MSI2: variants seen among roughly 807,000 people sequenced by gnomAD.
The protein encoded by MSI2 is RNA-binding protein Musashi homolog 2.
A neutral mutation model predicts 45.6 loss-of-function variants in MSI2; 17 were observed. The ratio of observed to expected loss-of-function variants is 0.37; its 90% CI spans 0.26 to 0.56. The LOEUF is 0.56. Ranked by LOEUF, MSI2 falls within the 20% of genes least tolerant of loss-of-function variation. The probability of loss-of-function intolerance (pLI) is 0.77; values close to 1 mark genes in which losing one functional copy is unlikely to be tolerated. For missense variants in MSI2, 293 were observed against 444.2 expected, an observed-to-expected ratio of 0.66 and a Z score of 3.06; for synonymous variants, 156 against 158.2, an observed-to-expected ratio of 0.99 and a Z score of 0.11.
intron 5 of MSI2, among the ~76,000 whole-genome samples, chr17:57,378,779 G>T (rs1025478085): frequency 1.3e-5 from 2 of 152,168 alleles, no homozygotes; most frequent in African/African-American, 4.8e-5. Context: ...TGGTCCACTG[G>T]GGAGAAGGTT....
At chr17:57,405,546 TA>T (rs2084067312) in intron 6 of MSI2, among the ~76,000 whole-genome samples, 1 of 152,238 alleles carries the variant, frequency 6.6e-6, no homozygotes. Flanking sequence ...TTGTCAGTAG[TA>T]ATAAGCATGG....
chr17:57,538,115 G>T (rs1411743192), intron 7 of MSI2, among the ~76,000 whole-genome samples: 1 of 152,122 alleles, frequency 6.6e-6, no homozygotes, highest in Non-Finnish European at 1.5e-5. Context: ...TCACAACATG[G>T]TTTAAGATCT....
intron 5 of MSI2, among the ~76,000 whole-genome samples, chr17:57,305,250 G>C (rs1327935802): frequency 6.6e-6 from 1 of 152,148 alleles, no homozygotes; most frequent in Non-Finnish European, 1.5e-5. Flanking sequence ...CTTCTCAGGA[G>C]GAACCTCACT....
In MSI2 at chr17:57,523,781, G is replaced by A. The variant is rs2086643212; in HGVS notation, c.406-5895G>A. On this transcript the variant is annotated intron_variant, in intron 6 of 13. Coordinates refer to ENST00000284073, the MANE Select transcript of MSI2 (RefSeq NM_138962.4). ...ATAGTTTAATTCTCTGCCACATTTA[G>A]CACTTTCCCTTATTCTGCCCCTTTT... 2.0e-5 allele frequency among the ~76,000 whole-genome samples: 3 copies of A among 152,158 alleles called. No homozygotes were observed. In the South Asian group the frequency reaches 6.2e-4, roughly 32 times the overall value.
intron 5 of MSI2, among the ~76,000 whole-genome samples, chr17:57,297,892 C>T (rs1046038005): frequency 1.3e-5 from 2 of 152,180 alleles, no homozygotes; most frequent in Non-Finnish European, 2.9e-5. Flanking sequence ...CATGAGATTG[C>T]CGCAATTCAG....
intron 5 of MSI2, among the ~76,000 whole-genome samples, chr17:57,291,436 G>A (rs1910407672): frequency 6.6e-6 from 1 of 152,174 alleles, no homozygotes; most frequent in Non-Finnish European, 1.5e-5. Flanking sequence ...ATAGCCTTGT[G>A]TGGTGGTAAA....
intron 10 of MSI2, chr17:57,633,147 A>G: frequency 2.0e-6 from 2 of 1,021,658 alleles, no homozygotes; most frequent in Non-Finnish European, 2.3e-6. Context: ...TTCCCCTGTA[A>G]GCAACCGAGG....
chr17:57,456,111 G>T (rs113199911), intron 6 of MSI2, among the ~76,000 whole-genome samples: 14 of 152,278 alleles, frequency 9.2e-5, no homozygotes, highest in African/African-American at 3.1e-4. Context: ...CAAGAACATC[G>T]AACAACCACT....
intron 5 of MSI2, among the ~76,000 whole-genome samples, chr17:57,392,537 TA>T (rs1387754416): frequency 2.0e-5 from 3 of 152,232 alleles, no homozygotes; most frequent in African/African-American, 7.2e-5. Flanking sequence ...CTTCCAATTT[TA>T]AAGCTATTTA....
chr17:57,360,736 G>T (rs114394007), intron 5 of MSI2, among the ~76,000 whole-genome samples: 1 of 152,216 alleles, frequency 6.6e-6, no homozygotes, highest in Non-Finnish European at 1.5e-5. Flanking sequence ...TGGGAAGAGC[G>T]AATATAACAT....
intron 11 of MSI2, among the ~76,000 whole-genome samples, chr17:57,660,787 C>T (rs1911935576): frequency 6.6e-6 from 1 of 152,100 alleles, no homozygotes; most frequent in Non-Finnish European, 1.5e-5. Flanking sequence ...AGGTGGAGGC[C>T]CTGCTTTATT....
rs1371911288 is a variant in MSI2, at chr17:57,552,292, T to C, written c.454+22568T>C. Among the ~76,000 whole-genome samples the C allele has an allele frequency of 6.6e-6, 1 of 152,208 alleles. No individual in the cohort carries two copies. Among genetic ancestry groups the C allele is most frequent in the African/African-American group, 2.4e-5 (1 of 41,442 alleles). ...CAGAGTGATGTTCACTGGTCTGTAA[T>C]TCCTGACTCCCTTCCTGAGAGAGTC... On this transcript the variant is annotated intron_variant, in intron 7 of 13. Transcript: ENST00000284073. The surrounding 1 kb of genome is among the most constrained non-coding windows in gnomAD (Gnocchi z 4.3).
chr17:57,483,892 G>A (rs1280766375), intron 6 of MSI2, among the ~76,000 whole-genome samples: 1 of 152,212 alleles, frequency 6.6e-6, no homozygotes, highest in Non-Finnish European at 1.5e-5. Context: ...TCTCCCTCTA[G>A]CACACGCTGT....
rs1310280373 is a variant in MSI2 at position 57,274,900 on chromosome 17, AG to A, written c.312+12709del. On this transcript the variant is annotated intron_variant, in intron 5 of 13. Coordinates refer to ENST00000284073, the MANE Select transcript of MSI2 (RefSeq NM_138962.4). ...ATTCTGTACTTAAAAAAAGGGGAATAGTAGGGTTGTGGGGATTAAATGAGCC... is the reference window on the plus strand; with the variant it reads ...ATTCTGTACTTAAAAAAAGGGGAATATAGGGTTGTGGGGATTAAATGAGCC... Among the ~76,000 whole-genome samples the A allele has an allele frequency of 1.3e-5, 2 of 152,212 alleles. 1 individual carries two copies. Among genetic ancestry groups the A allele is most frequent in the East Asian group, 3.8e-4 (2 of 5,206 alleles).
At chr17:57,605,697 C>G (rs1453247495) in intron 8 of MSI2, among the ~76,000 whole-genome samples, 1 of 152,254 alleles carries the variant, frequency 6.6e-6, no homozygotes, top group Non-Finnish European at 1.5e-5. Flanking sequence ...GCCAATTTCT[C>G]TTCTAGTTTC....
intron 7 of MSI2, among the ~76,000 whole-genome samples, chr17:57,566,722 A>G (rs985464556): frequency 6.6e-6 from 1 of 152,226 alleles, no homozygotes; most frequent in African/African-American, 2.4e-5. Flanking sequence ...AGCTGAGAAA[A>G]GAACTCAACG....
intron 13 of MSI2, among the ~76,000 whole-genome samples, chr17:57,678,340 C>T (rs1051606448): frequency 2.2e-4 from 33 of 152,222 alleles, no homozygotes; most frequent in Admixed American, 3.3e-4. Context: ...CCAGCCATTG[C>T]TGGCCAGAGC....
intron 6 of MSI2, among the ~76,000 whole-genome samples, chr17:57,514,184 G>C (rs7222426): frequency 0.079 from 11,936 of 150,830 alleles, 1,530 homozygotes; most frequent in African/African-American, 0.27. Flanking sequence ...GAGTAATAGC[G>C]CCTGACAGTT....
chr17:57,664,712 C>T (rs376500249), intron 11 of MSI2, among the ~76,000 whole-genome samples: 1 of 152,136 alleles, frequency 6.6e-6, no homozygotes, highest in African/African-American at 2.4e-5. Flanking sequence ...GACTTCCATC[C>T]TTGGGTGTGG....
Sources: gnomAD v4.1 joint callset for allele counts (sites outside exome capture counted in the v4.1 genomes callset) on GRCh38, gnomAD v4.1.1 for gene constraint, Gnocchi (gnomAD v3.1) non-coding constraint, MANE v1.5 for transcripts, NCBI Gene and HGNC (gene_info 2026-07-23, HGNC 2026-07-21) for gene names.